The following PAFAH1B1 variants were observed in gnomAD, a reference collection of about 807,000 sequenced individuals.
PAFAH1B1 encodes the protein platelet-activating factor acetylhydrolase IB subunit beta.
Under a neutral mutation model 57.5 loss-of-function variants are expected in PAFAH1B1, and 2 were observed. That is an observed-to-expected ratio of 0.03 (90% CI 0.01 to 0.11). The LOEUF (loss-of-function observed/expected upper bound fraction) is 0.11. Among genes scored for constraint, PAFAH1B1 ranks in the 10% least tolerant of loss-of-function variants. The probability of loss-of-function intolerance (pLI) is 1.00; values close to 1 mark genes in which losing one functional copy is unlikely to be tolerated. For synonymous variants in PAFAH1B1, 152 were observed against 169.6 expected (o/e 0.90, Z 0.81); for missense variants, 257 against 512.0 (o/e 0.50, Z 4.81).
intron 2 of PAFAH1B1, among the ~76,000 whole-genome samples, chr17:2,654,762 C>T (rs8068466): frequency 6.6e-6 from 1 of 152,004 alleles, no homozygotes; most frequent in Admixed American, 6.6e-5. Flanking sequence ...TCACCTCAGC[C>T]TCCCAAGTTG....
At chr17:2,635,454 C>G (rs2068610761) in intron 1 of PAFAH1B1, 2 of 152,182 alleles carry the variant, frequency 1.3e-5, no homozygotes, top group African/African-American at 2.4e-5. Context: ...GCCTTGACCT[C>G]CTGGGCTCAA....
At position 2,638,207 on chromosome 17, in the gene PAFAH1B1, A is replaced by C; in HGVS notation, c.-82A>C. On this transcript the variant is annotated 5_prime_UTR_variant, in exon 2 of 11. Transcript: ENST00000397195. ...ACACTTAGTGGCATATTTAAATTATAAGTCCACGGATCAAAAAGCTTTTTG... is the reference window on the plus strand; with the variant it reads ...ACACTTAGTGGCATATTTAAATTATCAGTCCACGGATCAAAAAGCTTTTTG... The C allele has an allele frequency of 9.1e-7, 1 of 1,095,720 alleles. No individual in the cohort carries two copies. The highest frequency in any genetic ancestry group is 2.9e-4 in the Middle Eastern group (1 of 3,406). The allele number at this position is 1,095,720 out of a possible 1,614,324, so 67.9% of individuals were successfully genotyped here. A position where few individuals can be genotyped will look rare whatever the true frequency, so the allele number is the denominator to read the frequency against.
intron 6 of PAFAH1B1, among the ~76,000 whole-genome samples, chr17:2,671,756 C>A (rs1188765886): frequency 2.0e-5 from 3 of 151,928 alleles, no homozygotes; most frequent in Non-Finnish European, 4.4e-5. Flanking sequence ...GCAAGCACCA[C>A]CACACCCGGC....
At chr17:2,679,224 C>G (rs1236355574) in intron 9 of PAFAH1B1, among the ~76,000 whole-genome samples, 2 of 152,234 alleles carry the variant, frequency 1.3e-5, no homozygotes, top group Non-Finnish European at 2.9e-5. Flanking sequence ...CTCTTCTACA[C>G]TGATCTACAG....
chr17:2,605,182 A>G (rs1343650970), intron 1 of PAFAH1B1, among the ~76,000 whole-genome samples: 1 of 152,178 alleles, frequency 6.6e-6, no homozygotes, highest in Non-Finnish European at 1.5e-5. Context: ...TGTTGAGTGG[A>G]GAAAGGTTTA....
At chr17:2,606,649 TG>T (rs1404373829) in intron 1 of PAFAH1B1, among the ~76,000 whole-genome samples, 1 of 151,992 alleles carries the variant, frequency 6.6e-6, no homozygotes, top group Non-Finnish European at 1.5e-5. Flanking sequence ...CCACCATGCC[TG>T]GCTAAAATTT....
chr17:2,674,064 T>A lies in PAFAH1B1; in HGVS notation c.676T>A (p.Cys226Ser), dbSNP rs1309916378. 8 of 1,599,634 alleles carry A rather than the reference T, an allele frequency of 5.0e-6. No individual in the cohort carries two copies. The South Asian group carries it at 7.7e-5, about 15-fold the overall frequency. The change falls in exon 8 of 11, where the codon TGT becomes AGT. Residue 226 changes from cysteine to serine, a missense_variant. Coordinates refer to ENST00000397195, the MANE Select transcript of PAFAH1B1 (RefSeq NM_000430.4). Reference sequence around the variant, plus strand: ...AGTTATTATTTATATTGACAGCTACTGTGTGAAGACATTCACAGGACACAG... The same window carrying A: ...AGTTATTATTTATATTGACAGCTACAGTGTGAAGACATTCACAGGACACAG... The part of the protein sequence containing the change: ...IKMWEVQTGY[C>S]VKTFTGHREW...
intron 1 of PAFAH1B1, chr17:2,613,733 T>C: frequency 3.4e-6 from 1 of 295,916 alleles, no homozygotes; most frequent in Non-Finnish European, 6.8e-6. Flanking sequence ...GGCTGGGGCC[T>C]CCTCCCCATC....
At chr17:2,625,329 C>T (rs2068475766) in intron 1 of PAFAH1B1, among the ~76,000 whole-genome samples, 1 of 152,136 alleles carries the variant, frequency 6.6e-6, no homozygotes, top group African/African-American at 2.4e-5. Context: ...TGGAATACTG[C>T]CAAAATACAT....
chr17:2,654,617 G>A (rs2068912465), intron 2 of PAFAH1B1, among the ~76,000 whole-genome samples: 1 of 152,064 alleles, frequency 6.6e-6, no homozygotes, highest in South Asian at 2.1e-4. Flanking sequence ...TTCAGAGGAG[G>A]ATTAAAATAT....
At position 2,665,298 on chromosome 17, in the gene PAFAH1B1, T is replaced by C. The variant is rs116129145; in HGVS notation, c.33-74T>C. On this transcript the variant is annotated intron_variant, in intron 2 of 10. Transcript: ENST00000397195. ...AAGAGTATCTTCAGGGTTAATGAGA[T>C]TTTAAATAAATTCTATTTCTTCAGA... 1,560 of 855,818 alleles carry C rather than the reference T, an allele frequency of 1.8e-3. 24 individuals are homozygous for C. The African/African-American group carries it at 0.022, about 12-fold the overall frequency. The allele number at this position is 855,818 out of a possible 1,614,324, so 53.0% of individuals were successfully genotyped here. A position where few individuals can be genotyped will look rare whatever the true frequency, so the allele number is the denominator to read the frequency against.
intron 2 of PAFAH1B1, among the ~76,000 whole-genome samples, chr17:2,653,751 G>T (rs1203120627): frequency 1.3e-5 from 2 of 152,022 alleles, no homozygotes; most frequent in Non-Finnish European, 2.9e-5. Flanking sequence ...TATAAAAACA[G>T]CTATATATTT....
intron 1 of PAFAH1B1, among the ~76,000 whole-genome samples, chr17:2,605,036 AAAC>A (rs2068189951): frequency 6.6e-6 from 1 of 152,174 alleles, no homozygotes; most frequent in African/African-American, 2.4e-5. Context: ...TTTCAGGTAA[AAAC>A]AAGCATTATG....
At chr17:2,604,290 G>A (rs932834176) in intron 1 of PAFAH1B1, among the ~76,000 whole-genome samples, 1 of 152,060 alleles carries the variant, frequency 6.6e-6, no homozygotes, top group Admixed American at 6.6e-5. Flanking sequence ...CCCCCGCCTC[G>A]GCCTCCCAAA....
intron 1 of PAFAH1B1, among the ~76,000 whole-genome samples, chr17:2,628,219 A>G (rs112441891): frequency 0.025 from 3,797 of 152,214 alleles, 166 homozygotes; most frequent in African/African-American, 0.087. Context: ...TGGGTTTGTC[A>G]TAGTTGGCTT....
At chr17:2,636,632 C>G (rs925554561) in intron 1 of PAFAH1B1, among the ~76,000 whole-genome samples, 2 of 152,148 alleles carry the variant, frequency 1.3e-5, no homozygotes, top group Non-Finnish European at 2.9e-5. Context: ...CTCCTCACCT[C>G]AAGTGGTCTG....
chr17:2,594,047 C>T (rs2068054702), intron 1 of PAFAH1B1, 41 bp downstream of exon 1: 1 of 397,782 alleles, frequency 2.5e-6, no homozygotes, highest in Non-Finnish European at 4.4e-6. Context: ...CTGTCTCCTC[C>T]ACCGCGCCCG....
intron 2 of PAFAH1B1, among the ~76,000 whole-genome samples, chr17:2,653,071 C>G (rs910459828): frequency 6.6e-6 from 1 of 152,146 alleles, no homozygotes; most frequent in Non-Finnish European, 1.5e-5. Context: ...ACATATACAT[C>G]GTGGAATACT....
At chr17:2,670,403 A>C in intron 6 of PAFAH1B1, 72 bp downstream of exon 6, 1 of 1,325,196 alleles carries the variant, frequency 7.5e-7, no homozygotes, top group Admixed American at 1.7e-5. Flanking sequence ...TGTTTCTAAC[A>C]GTGTACAGTG....
Sources: allele counts gnomAD v4.1 joint callset (sites outside exome capture counted in the v4.1 genomes callset), GRCh38; gene constraint gnomAD v4.1.1; transcripts MANE v1.5; gene names NCBI Gene and HGNC (gene_info 2026-07-23, HGNC 2026-07-21).